The following SIM2 variants were observed in gnomAD, a reference collection of about 807,000 sequenced individuals.
SIM2 encodes the protein single-minded homolog 2.
A neutral mutation model predicts 64.8 loss-of-function variants in SIM2; 28 were observed. That is an observed-to-expected ratio of 0.43 (90% CI 0.32 to 0.59). SIM2 has a LOEUF of 0.59. Ranked by LOEUF, SIM2 falls within the 20% of genes least tolerant of loss-of-function variation. The probability of loss-of-function intolerance (pLI) is 0.07; values close to 1 mark genes in which losing one functional copy is unlikely to be tolerated. For missense variants in SIM2, 847 were observed against 871.4 expected, an observed-to-expected ratio of 0.97 and a Z score of 0.35; for synonymous variants, 408 against 391.1, an observed-to-expected ratio of 1.04 and a Z score of -0.51.
chr21:36,723,226 C>T, intron 5 of SIM2, 96 bp downstream of exon 5: 2 of 944,734 alleles, frequency 2.1e-6, no homozygotes, highest in Non-Finnish European at 3.5e-6. Context: ...GGAGCACAAA[C>T]TCGTCATCCC....
intron 2 of SIM2, among the ~76,000 whole-genome samples, chr21:36,711,747 A>G: frequency 6.6e-6 from 1 of 152,238 alleles, no homozygotes; most frequent in Admixed American, 6.5e-5. Flanking sequence ...TAAATAAAAT[A>G]CAGTTTCCTT....
intron 1 of SIM2, among the ~76,000 whole-genome samples, chr21:36,706,326 C>G (rs9981556): frequency 0.18 from 27,036 of 152,184 alleles, 3,106 homozygotes; most frequent in Middle Eastern, 0.31. Flanking sequence ...CCCACAGGTC[C>G]TGCAGTGCTC....
intron 4 of SIM2, chr21:36,720,277 C>T (rs148283886): frequency 2.4e-4 from 53 of 223,562 alleles, no homozygotes; most frequent in African/African-American, 1.1e-3. Context: ...ACCAAGATGC[C>T]GTGCCTAAAA....
chr21:36,727,674 C>T (rs1157376227), intron 6 of SIM2, among the ~76,000 whole-genome samples: 2 of 152,108 alleles, frequency 1.3e-5, no homozygotes, highest in African/African-American at 2.4e-5. Context: ...TCAGAGACCC[C>T]GCTCCTGGCG....
chr21:36,726,769 T>C lies in SIM2; in HGVS notation c.743+451T>C, dbSNP rs543122440. The stretch of plus-strand genomic sequence containing the variant: ...TGGGGGGCCTTGGCACTCAGGCTGG[T>C]GTGAAGCCACCACAGGGCTGAGGCT... On this transcript the variant is annotated intron_variant, in intron 6 of 10. Coordinates refer to ENST00000290399, the MANE Select transcript of SIM2 (RefSeq NM_005069.6). The surrounding 1 kb of genome is among the most constrained non-coding windows in gnomAD (Gnocchi z 4.5). Among the ~76,000 whole-genome samples the C allele has an allele frequency of 2.0e-4, 30 of 152,212 alleles. 1 individual carries two copies. In the South Asian group the frequency reaches 6.0e-3, roughly 31 times the overall value.
In SIM2 at chr21:36,745,022, G is replaced by A; in HGVS notation, c.1462G>A (p.Glu488Lys). The change falls in exon 10 of 11, where the codon GAA becomes AAA. Residue 488 changes from glutamate to lysine, a missense_variant. Physicochemically the swap from Glu to Lys is moderately conservative, Grantham distance 56. Transcript: ENST00000290399. This position sits in a 1 kb window ranked among gnomAD's most constrained non-coding sequence, Gnocchi z 4.8. Reference protein sequence around the residue: ...FFLSTLPASGECQWHYANPLV... With the variant: ...FFLSTLPASGKCQWHYANPLV... ...CCTGAGCACACTGCCAGCCAGCGGT[G>A]AATGCCAGTGGCATTATGCCAACCC... The A allele has an allele frequency of 1.2e-6, 2 of 1,614,202 alleles. No homozygotes were observed. The highest frequency in any genetic ancestry group is 1.7e-6 in the Non-Finnish European group (2 of 1,180,014).
intron 3 of SIM2, among the ~76,000 whole-genome samples, chr21:36,716,288 T>C (rs1255908948): frequency 1.3e-5 from 2 of 152,228 alleles, no homozygotes; most frequent in African/African-American, 4.8e-5. Flanking sequence ...TTAAGTATCC[T>C]TGGGTTAAGT....
At chr21:36,708,448 C>T (rs1281184549) in intron 1 of SIM2, among the ~76,000 whole-genome samples, 1 of 152,190 alleles carries the variant, frequency 6.6e-6, no homozygotes, top group African/African-American at 2.4e-5. Context: ...CCGGGGATCC[C>T]TAATTATGTG....
chr21:36,745,504 C>CTA lies in SIM2; in HGVS notation c.1576+368_1576+369insTA. The CTA allele has an allele frequency of 8.7e-7, 1 of 1,146,452 alleles. No homozygotes were observed. Among genetic ancestry groups the CTA allele is most frequent in the Non-Finnish European group, 1.1e-6 (1 of 921,418 alleles). The allele number at this position is 1,146,452 out of a possible 1,614,324, so 71.0% of individuals were successfully genotyped here. A position where few individuals can be genotyped will look rare whatever the true frequency, so the allele number is the denominator to read the frequency against. On this transcript the variant is annotated intron_variant, in intron 10 of 10. Coordinates refer to ENST00000290399, the MANE Select transcript of SIM2 (RefSeq NM_005069.6). The surrounding 1 kb of genome is among the most constrained non-coding windows in gnomAD (Gnocchi z 4.8). ...TGCATTTCTTTTGCAAGATTCCTTT[C>CTA]CACTCCAACCAGAAGTGAATATTTG...
rs1880280682 is a variant in SIM2 at position 36,726,066 on chromosome 21, G to A, written c.544-53G>A. ...TGAGAAAATGAGCCAGGAGGAGTGG[G>A]CTCCAGCCCAACCCCAGTGGCCAGT... is the stretch of plus-strand genomic sequence containing the variant. On this transcript the variant is annotated intron_variant, in intron 5 of 10. Coordinates refer to ENST00000290399, the MANE Select transcript of SIM2 (RefSeq NM_005069.6). The surrounding 1 kb of genome is among the most constrained non-coding windows in gnomAD (Gnocchi z 4.5). The A allele has an allele frequency of 6.8e-7, 1 of 1,477,776 alleles. No individual in the cohort carries two copies. Among genetic ancestry groups the A allele is most frequent in the Admixed American group, 1.7e-5 (1 of 59,586 alleles). 91.5% of individuals were successfully genotyped at this position (1,477,776 alleles called of 1,614,324 possible).
rs202090892 is a variant in SIM2, at chr21:36,699,827, C to A, written c.81C>A (p.Leu27=). The part of the protein sequence containing the change: ...NGEFYELAKL[L]PLPSAITSQL... ...AGTTTTACGAGCTTGCCAAGCTGCT[C>A]CCGCTGCCGTCGGCCATCACTTCGC... is the stretch of plus-strand genomic sequence containing the variant. Residue 27 remains leucine, a synonymous_variant, in exon 1 of 11, where the codon CTC becomes CTA. Coordinates refer to ENST00000290399, the MANE Select transcript of SIM2 (RefSeq NM_005069.6). The surrounding 1 kb of genome is among the most constrained non-coding windows in gnomAD (Gnocchi z 5.6). The A allele has an allele frequency of 2.5e-6, 4 of 1,611,384 alleles. No homozygotes were observed. Among genetic ancestry groups the A allele is most frequent in the Non-Finnish European group, 3.4e-6 (4 of 1,178,960 alleles).
At position 36,744,734 on chromosome 21, in the gene SIM2, A is replaced by G. The variant is rs564301769; in HGVS notation, c.1174A>G (p.Ser392Gly). 1 of 1,600,338 alleles carries G rather than the reference A, an allele frequency of 6.2e-7. No individual in the cohort carries two copies. Among genetic ancestry groups the G allele is most frequent in the African/African-American group, 1.3e-5 (1 of 74,776 alleles). The change falls in exon 10 of 11, where the codon AGC (serine) becomes GGC (glycine). Residue 392 changes from serine to glycine, a missense_variant. Ser to Gly is a moderately conservative substitution (Grantham distance 56). Coordinates refer to ENST00000290399, the MANE Select transcript of SIM2 (RefSeq NM_005069.6). ...CATCTTCTTTGCCATGCAGCAATAC[A>G]GCTCGTTCCAAATGGACAAACTGGA... The part of the protein sequence containing the change: ...RTNPYPPQQY[S>G]SFQMDKLECG...
intron 7 of SIM2, among the ~76,000 whole-genome samples, chr21:36,740,295 G>A (rs1401561508): frequency 2.0e-5 from 3 of 152,108 alleles, no homozygotes; most frequent in Non-Finnish European, 4.4e-5. Context: ...TTTGGACTCT[G>A]TGGATGTGCC....
intron 1 of SIM2, among the ~76,000 whole-genome samples, chr21:36,704,649 C>G (rs939097728): frequency 2.0e-5 from 3 of 152,174 alleles, no homozygotes; most frequent in Non-Finnish European, 4.4e-5. Context: ...GTGCCGCGCT[C>G]CTCGGAGCCA....
chr21:36,719,119 C>T (rs890189874), intron 3 of SIM2, among the ~76,000 whole-genome samples: 10 of 152,204 alleles, frequency 6.6e-5, no homozygotes, highest in African/African-American at 2.2e-4. Flanking sequence ...CTCTCTGGAG[C>T]AGGCCCAGAC....
chr21:36,716,771 G>T (rs1460701184), intron 3 of SIM2, among the ~76,000 whole-genome samples: 1 of 152,068 alleles, frequency 6.6e-6, no homozygotes, highest in Non-Finnish European at 1.5e-5. Flanking sequence ...TAGTTAGCAG[G>T]GTTTTGCAAA....
chr21:36,730,168 G>A (rs1285863042), intron 6 of SIM2, among the ~76,000 whole-genome samples: 1 of 152,218 alleles, frequency 6.6e-6, no homozygotes, highest in African/African-American at 2.4e-5. Flanking sequence ...AATCAACAGT[G>A]TCTAGCGTGC....
chr21:36,746,704 C>T (rs920450720), intron 10 of SIM2, among the ~76,000 whole-genome samples: 1 of 152,172 alleles, frequency 6.6e-6, no homozygotes, highest in Non-Finnish European at 1.5e-5. Context: ...TCTGCCATAC[C>T]CGTGAACATC....
At position 36,743,496 on chromosome 21, in the gene SIM2, G is replaced by C; in HGVS notation, c.1108G>C (p.Val370Leu). 1 of 1,614,118 alleles carries C rather than the reference G, an allele frequency of 6.2e-7. No individual in the cohort carries two copies. The change falls in exon 9 of 11, where the codon GTG becomes CTG. Residue 370 changes from valine (V) to leucine (L), a missense_variant. Physicochemically the swap from Val to Leu is conservative, Grantham distance 32. Transcript: ENST00000290399. The stretch of plus-strand genomic sequence containing the variant: ...TACCTCACAAGAAACTAGGAAATTA[G>C]TGAAACCCAAAAATACCAAGATGAA... ...LSTSQETRKL[V>L]KPKNTKMKTK...
Sources: gnomAD v4.1 joint callset for allele counts (sites outside exome capture counted in the v4.1 genomes callset) on GRCh38, gnomAD v4.1.1 for gene constraint, Gnocchi (gnomAD v3.1) non-coding constraint, MANE v1.5 for transcripts, NCBI Gene and HGNC (gene_info 2026-07-23, HGNC 2026-07-21) for gene names.